The following CLGN variants were observed in gnomAD, a reference collection of about 807,000 sequenced individuals.
CLGN encodes calmegin.
In CLGN, 62 loss-of-function variants were observed where a neutral mutation model predicts 79.1. That is an observed-to-expected ratio of 0.78 (90% CI 0.64 to 0.97). The LOEUF is 0.97. Ranked by LOEUF, CLGN falls within the 50% of genes least tolerant of loss-of-function variation. The pLI, the probability that CLGN is intolerant of heterozygous loss-of-function variation, is 0.00. For missense variants in CLGN, 647 were observed against 715.5 expected, an observed-to-expected ratio of 0.90 and a Z score of 1.09; for synonymous variants, 225 against 224.7, an observed-to-expected ratio of 1.00 and a Z score of -0.01.
rs994986203 is a variant in CLGN at position 140,396,094 on chromosome 4, G to C, written c.996C>G (p.Asp332Glu). ...ATTTGAAGATGAAGAGTGCTTACCA[G>C]TCATCAGGTTTTTCAGCATTAGGAT... Reference protein sequence around the residue: ...IPDPNAEKPDDWNEDTDGEWE... With the variant: ...IPDPNAEKPDEWNEDTDGEWE... Residue 332 changes from aspartate (D) to glutamate (E), a missense_variant and splice_region_variant, in exon 9 of 15, where the codon GAC becomes GAG. Asp to Glu is a conservative substitution (Grantham distance 45). Coordinates refer to ENST00000325617, the MANE Select transcript of CLGN (RefSeq NM_004362.3). 6.8e-6 allele frequency: 11 copies of C among 1,613,674 alleles called. No homozygotes were observed. The highest frequency in any genetic ancestry group is 8.5e-6 in the Non-Finnish European group (10 of 1,179,558).
intron 8 of CLGN, among the ~76,000 whole-genome samples, chr4:140,396,888 T>TATATATAC (rs1728893359): frequency 1.6e-5 from 1 of 61,538 alleles, no homozygotes; most frequent in Non-Finnish European, 2.7e-5. Flanking sequence ...TATATATATA[T>TATATATAC]ATGTATATAT....
rs193094677 is a variant in CLGN at position 140,404,099 on chromosome 4, T to A, written c.419+1843A>T. Among the ~76,000 whole-genome samples the A allele has an allele frequency of 6.3e-3, 964 of 152,022 alleles. 8 individuals are homozygous for A. The highest frequency in any genetic ancestry group is 0.015 in the South Asian group (72 of 4,826). On this transcript the variant is annotated intron_variant, in intron 5 of 14. Transcript: ENST00000325617. ...TTTATTTTTATTTATTTATTTATTT[T>A]TTTTTTGAGACAGTCTCACTCTGTT...
chr4:140,389,217 A>G lies in CLGN; in HGVS notation c.*7T>C. 6.2e-7 allele frequency: 1 copy of G among 1,609,926 alleles called. No homozygotes were observed. The highest frequency in any genetic ancestry group is 8.5e-7 in the Non-Finnish European group (1 of 1,176,898). On this transcript the variant is annotated 3_prime_UTR_variant, in exon 15 of 15. Transcript: ENST00000325617. ...CCTCTCGGGAATTAAAAATATTTCA[A>G]TCTAGTTTAGTCCTTTCGTACTCTT...
intron 1 of CLGN, among the ~76,000 whole-genome samples, chr4:140,417,636 A>C (rs1297304293): frequency 6.6e-6 from 1 of 151,512 alleles, no homozygotes; most frequent in African/African-American, 2.4e-5. Flanking sequence ...TAGGAATCCA[A>C]CTTACAAGGG....
At chr4:140,407,800 C>T (rs1161694331) in intron 4 of CLGN, among the ~76,000 whole-genome samples, 2 of 151,848 alleles carry the variant, frequency 1.3e-5, no homozygotes, top group African/African-American at 2.4e-5. Context: ...TGTGAAAATA[C>T]CAAAAACATT....
chr4:140,394,768 A>G (rs139684258), intron 10 of CLGN, among the ~76,000 whole-genome samples: 67 of 152,374 alleles, frequency 4.4e-4, no homozygotes, highest in African/African-American at 1.5e-3. Flanking sequence ...AACTGCATAT[A>G]TATAATGTTA....
rs1287050127 is a variant in CLGN, at chr4:140,427,574, T to G, written c.-47A>C. 1.3e-5 allele frequency: 2 copies of G among 152,292 alleles called. No homozygotes were observed. Among genetic ancestry groups the G allele is most frequent in the African/African-American group, 2.4e-5 (1 of 41,462 alleles). The allele number at this position is 152,292 out of a possible 1,614,324, so 9.4% of individuals were successfully genotyped here. On this transcript the variant is annotated 5_prime_UTR_variant, in exon 1 of 15. Coordinates refer to ENST00000325617, the MANE Select transcript of CLGN (RefSeq NM_004362.3). ...CTGTTTTCGGCAGTGACAGCTCAGA[T>G]GTCCAAGTCGTTGCCACTTGGTCCC...
At chr4:140,426,767 T>C (rs1039793074) in intron 1 of CLGN, 2 of 152,268 alleles carry the variant, frequency 1.3e-5, no homozygotes, top group Non-Finnish European at 2.9e-5. Context: ...AAACACCTCC[T>C]CTTTGTTGCT....
intron 1 of CLGN, among the ~76,000 whole-genome samples, chr4:140,416,600 A>T (rs1729337527): frequency 6.7e-6 from 1 of 150,232 alleles, no homozygotes; most frequent in Non-Finnish European, 1.5e-5. Flanking sequence ...GAAAATCTAG[A>T]AGAAATGGAT....
intron 5 of CLGN, among the ~76,000 whole-genome samples, chr4:140,403,436 A>C (rs1305065525): frequency 1.3e-5 from 2 of 152,222 alleles, no homozygotes; most frequent in African/African-American, 4.8e-5. Context: ...AATAGAGGAC[A>C]GTTTGTTTTC....
intron 1 of CLGN, among the ~76,000 whole-genome samples, chr4:140,418,705 AG>A (rs1382314400): frequency 6.6e-6 from 1 of 151,362 alleles, no homozygotes; most frequent in Admixed American, 6.6e-5. Flanking sequence ...AGGAAACAAC[AG>A]GTGCTGGAGA....
intron 5 of CLGN, 109 bp from the exon 6 acceptor site, chr4:140,402,175 T>C: frequency 1.8e-6 from 1 of 565,610 alleles, no homozygotes; most frequent in South Asian, 3.4e-5. Context: ...TTTTTTTACA[T>C]TATCAGAAAA....
At chr4:140,402,153 T>G in intron 5 of CLGN, 87 bp from the exon 6 acceptor site, 4 of 667,722 alleles carry the variant, frequency 6.0e-6, no homozygotes, top group East Asian at 3.1e-5. Context: ...TCTCAATTCA[T>G]GTAAGTATAA....
intron 5 of CLGN, among the ~76,000 whole-genome samples, 178 bp from the exon 6 acceptor site, chr4:140,402,244 C>A (rs1472474863): frequency 3.3e-5 from 5 of 151,944 alleles, no homozygotes; most frequent in Non-Finnish European, 7.4e-5. Context: ...TTCTACTACT[C>A]TAAAACAAGA....
In CLGN at chr4:140,392,262, C is replaced by CAAG. The variant is rs373992784; in HGVS notation, c.1607_1608insCTT (p.Leu536dup). 2,927 of 1,613,160 alleles carry CAAG rather than the reference C, an allele frequency of 1.8e-3. 44 individuals carry two copies. In the African/African-American group the frequency reaches 0.034, roughly 19 times the overall value. ...CATCATTTTGCTTTTTTTCCTCTTC[C>CAAG]AGGTCCATTGGTTTTTCCAGGGCTG... On this transcript the variant is annotated inframe_insertion, in exon 13 of 15. Transcript: ENST00000325617.
rs1189159615 is a variant in CLGN, at chr4:140,412,975, G to T, written c.104C>A (p.Ser35Ter). The stretch of plus-strand genomic sequence containing the variant: ...ACTTTCATTAACATCAATTTCTTCT[G>T]AATTTTCTTCAAAGTCTTCCGTCTC... ...DVETEDFEEN[S>*]EEIDVNESEL... Residue 35 changes from serine (S) to a stop codon, truncating the protein, a stop_gained, in exon 2 of 15, where the codon TCA becomes TAA. Transcript: ENST00000325617. LOFTEE classifies it high-confidence loss of function. 3.7e-6 allele frequency: 6 copies of T among 1,613,260 alleles called. No homozygotes were observed. Among genetic ancestry groups the T allele is most frequent in the Non-Finnish European group, 5.1e-6 (6 of 1,179,676 alleles).
At position 140,396,906 on chromosome 4, in the gene CLGN, T is replaced by C. The variant is rs1560740020; in HGVS notation, c.885-701A>G. Among the ~76,000 whole-genome samples, 6 of 63,332 alleles carry C rather than the reference T, an allele frequency of 9.5e-5. No homozygotes were observed. In the South Asian group the frequency reaches 1.3e-3, roughly 14 times the overall value. 41.5% of individuals were successfully genotyped at this position (63,332 alleles called of 152,430 possible). Reference sequence around the variant, plus strand: ...ATATATATATGTATATATATATATATGTATATATATATATATACACATATA... The same window carrying C: ...ATATATATATGTATATATATATATACGTATATATATATATATACACATATA... On this transcript the variant is annotated intron_variant, in intron 8 of 14. Transcript: ENST00000325617.
At chr4:140,403,249 T>A (rs182533749) in intron 5 of CLGN, among the ~76,000 whole-genome samples, 40 of 152,290 alleles carry the variant, frequency 2.6e-4, no homozygotes, top group African/African-American at 9.1e-4. Context: ...GGCAAGTCAT[T>A]TAAGCTCTAA....
At chr4:140,410,726 G>A (rs1729194791) in intron 2 of CLGN, 100 bp from the exon 3 acceptor site, 6 of 708,538 alleles carry the variant, frequency 8.5e-6, no homozygotes, top group Middle Eastern at 3.9e-4. Flanking sequence ...TGCACATACA[G>A]GTAATACAGA....
Sources: gnomAD v4.1 joint callset for allele counts (sites outside exome capture counted in the v4.1 genomes callset) on GRCh38, gnomAD v4.1.1 for gene constraint, MANE v1.5 for transcripts, NCBI Gene and HGNC (gene_info 2026-07-23, HGNC 2026-07-21) for gene names.